Variants in GMDS observed in about 807,000 individuals in gnomAD.
GMDS encodes GDP-mannose 4,6 dehydratase.
GMDS carries 20 observed loss-of-function variants against 49.9 expected under a neutral mutation model. The observed-to-expected ratio is 0.40, with a 90% CI of 0.28 to 0.58. GMDS has a LOEUF of 0.58. Ranked by LOEUF, GMDS falls within the 20% of genes least tolerant of loss-of-function variation. The probability of loss-of-function intolerance (pLI) is 0.42; values close to 1 mark genes in which losing one functional copy is unlikely to be tolerated. For missense variants in GMDS, 362 were observed against 481.4 expected, an observed-to-expected ratio of 0.75 and a Z score of 2.32; for synonymous variants, 177 against 178.6, an observed-to-expected ratio of 0.99 and a Z score of 0.07.
intron 7 of GMDS, among the ~76,000 whole-genome samples, chr6:1,790,149 C>T (rs936487642): frequency 6.6e-6 from 1 of 152,146 alleles, no homozygotes; most frequent in Non-Finnish European, 1.5e-5. Flanking sequence ...CTTATCAATC[C>T]TACTCACTTG....
intron 4 of GMDS, among the ~76,000 whole-genome samples, chr6:1,977,282 T>C (rs1212260500): frequency 6.6e-6 from 1 of 152,180 alleles, no homozygotes; most frequent in East Asian, 1.9e-4. Flanking sequence ...TAAAAATCCA[T>C]ATTTTGCCAA....
rs76338791 is a variant in GMDS at position 1,635,625 on chromosome 6, C to T, written c.988-11085G>A. Among the ~76,000 whole-genome samples the T allele has an allele frequency of 1.8e-3, 268 of 152,320 alleles. 2 individuals carry two copies. The highest frequency in any genetic ancestry group is 6.0e-3 in the African/African-American group (249 of 41,580). The stretch of plus-strand genomic sequence containing the variant: ...TGCTTTGTTTGCCGTCGGGGCCAGC[C>T]TCACTGACAAGGCTGAGGGTCTGTG... On this transcript the variant is annotated intron_variant, in intron 9 of 10. Transcript: ENST00000380815. The surrounding 1 kb of genome is among the most constrained non-coding windows in gnomAD (Gnocchi z 4.7).
At chr6:2,159,053 T>A (rs1329974915) in intron 1 of GMDS, among the ~76,000 whole-genome samples, 1 of 152,250 alleles carries the variant, frequency 6.6e-6, no homozygotes, top group African/African-American at 2.4e-5. Context: ...GAATTTTTCC[T>A]CAATTTTTTA....
At chr6:2,010,759 T>A (rs1767510041) in intron 4 of GMDS, among the ~76,000 whole-genome samples, 1 of 152,198 alleles carries the variant, frequency 6.6e-6, no homozygotes, top group South Asian at 2.1e-4. Context: ...AAAAATTGTT[T>A]TAAAAATTGT....
intron 2 of GMDS, among the ~76,000 whole-genome samples, chr6:2,120,473 G>A (rs972953534): frequency 1.3e-5 from 2 of 152,076 alleles, no homozygotes; most frequent in South Asian, 4.1e-4. Flanking sequence ...ATAACAATGG[G>A]ACTAACCTTA....
chr6:2,193,176 C>T (rs148497874), intron 1 of GMDS, among the ~76,000 whole-genome samples: 1 of 152,336 alleles, frequency 6.6e-6, no homozygotes, highest in East Asian at 1.9e-4. Flanking sequence ...CTTCTGCATT[C>T]CTCACAACTT....
chr6:2,164,493 T>C (rs1777561976), intron 1 of GMDS, among the ~76,000 whole-genome samples: 1 of 152,202 alleles, frequency 6.6e-6, no homozygotes, highest in Non-Finnish European at 1.5e-5. Flanking sequence ...GCAGGGTTAA[T>C]GCCCTCAAAC....
At chr6:1,817,582 G>A (rs912387966) in intron 7 of GMDS, among the ~76,000 whole-genome samples, 5 of 152,118 alleles carry the variant, frequency 3.3e-5, no homozygotes, top group Admixed American at 6.5e-5. Flanking sequence ...TATAACATGG[G>A]TCACTGAAAA....
chr6:1,996,223 C>T (rs577888673), intron 4 of GMDS, among the ~76,000 whole-genome samples: 26 of 152,160 alleles, frequency 1.7e-4, no homozygotes, highest in African/African-American at 6.3e-4. Flanking sequence ...CTCACACACT[C>T]CCTGCCCCCA....
chr6:1,772,560 A>G (rs1768622838), intron 7 of GMDS, among the ~76,000 whole-genome samples: 1 of 152,226 alleles, frequency 6.6e-6, no homozygotes, highest in Non-Finnish European at 1.5e-5. Context: ...AGAGATGCAG[A>G]GGTCATCCAC....
intron 9 of GMDS, among the ~76,000 whole-genome samples, chr6:1,663,448 G>A (rs1281963066): frequency 2.6e-5 from 4 of 152,158 alleles, no homozygotes; most frequent in Non-Finnish European, 5.9e-5. Flanking sequence ...ATCTCTCCTA[G>A]AAGAGCAGGA....
chr6:1,833,838 A>C lies in GMDS; in HGVS notation c.772-91252T>G, dbSNP rs938851288. On this transcript the variant is annotated intron_variant, in intron 7 of 10. Coordinates refer to ENST00000380815, the MANE Select transcript of GMDS (RefSeq NM_001500.4). The surrounding 1 kb of genome is among the most constrained non-coding windows in gnomAD (Gnocchi z 4.4). ...CTCATTAAACAAACAAAGTAAATTAAGAAGTTGTTGGTTAGGTTTTCTCTA... is the reference window on the plus strand; with the variant it reads ...CTCATTAAACAAACAAAGTAAATTACGAAGTTGTTGGTTAGGTTTTCTCTA... Among the ~76,000 whole-genome samples, 5 of 152,230 alleles carry C rather than the reference A, an allele frequency of 3.3e-5. No homozygotes were observed. The highest frequency in any genetic ancestry group is 1.2e-4 in the African/African-American group (5 of 41,458).
At chr6:2,114,378 T>C (rs189620340) in intron 4 of GMDS, among the ~76,000 whole-genome samples, 150 of 152,172 alleles carry the variant, frequency 9.9e-4, no homozygotes, top group Non-Finnish European at 1.1e-3. Flanking sequence ...ACTGACTACC[T>C]CAATTAGGGA....
chr6:1,827,452 C>CAT lies in GMDS; in HGVS notation c.772-84867_772-84866insAT, dbSNP rs200627569. On this transcript the variant is annotated intron_variant, in intron 7 of 10. Transcript: ENST00000380815. ...GTTTTGGAAAACCTGTATATACACACGTTTTGGAAAACCTGTATATACACA... is the reference window on the plus strand; with the variant it reads ...GTTTTGGAAAACCTGTATATACACACATGTTTTGGAAAACCTGTATATACACA... 1.1e-3 allele frequency among the ~76,000 whole-genome samples: 32 copies of CAT among 29,752 alleles called. 2 individuals are homozygous for CAT. In the East Asian group the frequency reaches 0.035, roughly 33 times the overall value. 19.5% of individuals were successfully genotyped at this position (29,752 alleles called of 152,430 possible). A position where few individuals can be genotyped will look rare whatever the true frequency, so the allele number is the denominator to read the frequency against.
chr6:2,092,363 C>T (rs10214843), intron 4 of GMDS, among the ~76,000 whole-genome samples: 1,998 of 152,156 alleles, frequency 0.013, 44 homozygotes, highest in African/African-American at 0.045. Context: ...TACAATTTTC[C>T]CTGACATCAC....
intron 7 of GMDS, among the ~76,000 whole-genome samples, chr6:1,869,364 T>C (rs1758607119): frequency 6.6e-6 from 1 of 152,146 alleles, no homozygotes; most frequent in Non-Finnish European, 1.5e-5. Context: ...GAGGAGGTGA[T>C]CCATCTGTGG....
chr6:1,825,478 G>A (rs1331544998), intron 7 of GMDS, among the ~76,000 whole-genome samples: 4 of 152,070 alleles, frequency 2.6e-5, no homozygotes, highest in African/African-American at 9.7e-5. Context: ...ATCATTTAAC[G>A]ACAGAAACAC....
At chr6:1,930,878 G>A (rs935641070) in intron 6 of GMDS, 2 of 152,152 alleles carry the variant, frequency 1.3e-5, no homozygotes, top group African/African-American at 4.8e-5. Context: ...TTAAGGCAAT[G>A]CCACTTTCCA....
chr6:1,899,886 A>C (rs112658617), intron 7 of GMDS, among the ~76,000 whole-genome samples: 6 of 134,158 alleles, frequency 4.5e-5, no homozygotes, highest in South Asian at 2.5e-4. Context: ...CTCTAAGGCC[A>C]CGTGGAGACC....
Sources: allele counts gnomAD v4.1 joint callset (sites outside exome capture counted in the v4.1 genomes callset), GRCh38; gene constraint gnomAD v4.1.1; non-coding constraint Gnocchi (gnomAD v3.1); transcripts MANE v1.5; gene names NCBI Gene and HGNC (gene_info 2026-07-23, HGNC 2026-07-21).